The following SMPD4 variants were observed in gnomAD, a reference collection of about 807,000 sequenced individuals.
SMPD4 encodes the protein sphingomyelin phosphodiesterase 4.
Under a neutral mutation model 97.8 loss-of-function variants are expected in SMPD4, and 58 were observed. That is an observed-to-expected ratio of 0.59 (90% confidence interval 0.48 to 0.74). The LOEUF (loss-of-function observed/expected upper bound fraction) is 0.74, where lower values mean the gene tolerates loss of function less well. Among genes scored for constraint, SMPD4 ranks in the 30% least tolerant of loss-of-function variants. SMPD4 has a pLI of 0.00. For missense variants in SMPD4, 853 were observed against 1,080.5 expected (o/e 0.79, Z 2.95); for synonymous variants, 388 against 450.0 (o/e 0.86, Z 1.74).
intron 13 of SMPD4, 56 bp downstream of exon 13, chr2:130,156,529 C>T: frequency 6.4e-7 from 1 of 1,551,066 alleles, no homozygotes; most frequent in Non-Finnish European, 8.8e-7. Flanking sequence ...CAAAGGACCT[C>T]CCACCTCAAG....
At chr2:130,170,678 C>T (rs1688370435) in intron 8 of SMPD4, among the ~76,000 whole-genome samples, 1 of 151,616 alleles carries the variant, frequency 6.6e-6, no homozygotes, top group Non-Finnish European at 1.5e-5. Context: ...GTGGGAGGAT[C>T]ACTTGAGCTC....
chr2:130,152,550 C>T lies in SMPD4; in HGVS notation c.*5G>A, dbSNP rs561053821. ...TCCAGCCTGCTCTGAAGGCAGCTGA[C>T]ACCTTCAGGGCTGGTGCAGCTTCCC... On this transcript the variant is annotated 3_prime_UTR_variant, in exon 20 of 20. Coordinates refer to ENST00000680298, the MANE Select transcript of SMPD4 (RefSeq NM_017951.5). 269 of 1,541,928 alleles carry T rather than the reference C, an allele frequency of 1.7e-4. 1 individual carries two copies. The South Asian group carries it at 3.1e-3, about 18-fold the overall frequency.
intron 12 of SMPD4, chr2:130,156,945 G>A: frequency 1.1e-6 from 1 of 937,836 alleles, no homozygotes; most frequent in East Asian, 2.7e-5. Flanking sequence ...CCACTCTGCT[G>A]GCCCTGGTGG....
At chr2:130,154,893 C>T (rs1176530951) in intron 15 of SMPD4, 5 of 711,176 alleles carry the variant, frequency 7.0e-6, no homozygotes, top group Non-Finnish European at 1.1e-5. Flanking sequence ...CCACCCAGTG[C>T]CTGGTGGCTG....
Position 130,156,583 on chromosome 2 carries a change from A to G in SMPD4, c.1188+2T>C. 1 of 1,613,020 alleles carries G rather than the reference A, an allele frequency of 6.2e-7. No individual in the cohort carries two copies. The highest frequency in any genetic ancestry group is 8.5e-7 in the Non-Finnish European group (1 of 1,179,514). Reference sequence around the variant, plus strand: ...CACACGTGTGACGGGGCCAACACTCACAGCTCTGAACGATGCGTCCAGGGG... The same window carrying G: ...CACACGTGTGACGGGGCCAACACTCGCAGCTCTGAACGATGCGTCCAGGGG... On this transcript the variant is annotated splice_donor_variant, in intron 13 of 19. Coordinates refer to ENST00000680298, the MANE Select transcript of SMPD4 (RefSeq NM_017951.5). LOFTEE classifies it high-confidence loss of function.
chr2:130,154,772 C>T (rs1276071051), intron 15 of SMPD4: 15 of 583,718 alleles, frequency 2.6e-5, no homozygotes, highest in Middle Eastern at 9.1e-4. Flanking sequence ...AAGGCAGAGA[C>T]CAGGCTCACC....
intron 1 of SMPD4, among the ~76,000 whole-genome samples, chr2:130,179,867 C>G (rs1342133217): frequency 6.6e-6 from 1 of 151,662 alleles, no homozygotes; most frequent in African/African-American, 2.4e-5. Context: ...GTTGGCCAGA[C>G]TGGTCTCAAA....
At chr2:130,175,507 G>A (rs549075019) in intron 2 of SMPD4, among the ~76,000 whole-genome samples, 10 of 152,048 alleles carry the variant, frequency 6.6e-5, no homozygotes, top group Admixed American at 1.3e-4. Flanking sequence ...TCCTTTATTC[G>A]GTAGACACTG....
rs142888516 is a variant in SMPD4 at position 130,178,501 on chromosome 2, A to G, written c.-45-1864T>C. On this transcript the variant is annotated intron_variant, in intron 1 of 19. Coordinates refer to ENST00000680298, the MANE Select transcript of SMPD4 (RefSeq NM_017951.5). ...GAGCCTTTGAATAAGCCATGAGAAA[A>G]CTAGGATCAAAGGCCGGGCACCATG... Among the ~76,000 whole-genome samples the G allele has an allele frequency of 2.2e-3, 332 of 152,274 alleles. 5 individuals are homozygous for G. Among genetic ancestry groups the G allele is most frequent in the Non-Finnish European group, 5.6e-4 (38 of 68,024 alleles).
Position 130,172,443 on chromosome 2 carries a change from C to T in SMPD4, c.565G>A (p.Asp189Asn). 1.2e-6 allele frequency: 2 copies of T among 1,612,384 alleles called. No individual in the cohort carries two copies. Among genetic ancestry groups the T allele is most frequent in the Non-Finnish European group, 1.7e-6 (2 of 1,179,188 alleles). ...TSDCAYFILV[D>N]RYLSWFLPTE... is the part of the protein sequence containing the mutation. ...GGCAGGAACCATGACAGGTACCTGT[C>T]CACCAGGATGAAATAGGCACAGTCT... Residue 189 changes from aspartate (D) to asparagine (N), a missense_variant, in exon 8 of 20, where the codon GAC becomes AAC. By Grantham distance (23) the Asp-to-Asn change is conservative. Around this residue, in one of 3 missense-constraint regions of SMPD4, gnomAD observed 313 missense variants for 402.2 expected, o/e 0.78. Coordinates refer to ENST00000680298, the MANE Select transcript of SMPD4 (RefSeq NM_017951.5).
In SMPD4 at chr2:130,151,845, C is replaced by T. The variant is rs1483489022; in HGVS notation, c.*710G>A. On this transcript the variant is annotated 3_prime_UTR_variant, in exon 20 of 20. Transcript: ENST00000680298. ...TGTCCCCAACGCCTGAGGACCAGCA[C>T]CCATCTGTGACAAGGCACAGGGGTC... The T allele has an allele frequency of 3.3e-5, 5 of 152,020 alleles. No homozygotes were observed. In the East Asian group the frequency reaches 9.7e-4, roughly 29 times the overall value. The allele number at this position is 152,020 out of a possible 1,614,324, so 9.4% of individuals were successfully genotyped here.
Position 130,153,948 on chromosome 2 carries a change from C to T in SMPD4, c.1660-13G>A, listed in dbSNP as rs1205310560. ...CGAGGCGCAGGACCTGCAAGGGAGG[C>T]GCGGGCAGGTCACCAGCAGGACAGG... On this transcript the variant is annotated splice_polypyrimidine_tract_variant and intron_variant, in intron 16 of 19. Coordinates refer to ENST00000680298, the MANE Select transcript of SMPD4 (RefSeq NM_017951.5). 7 of 1,609,606 alleles carry T rather than the reference C, an allele frequency of 4.3e-6. No homozygotes were observed. Among genetic ancestry groups the T allele is most frequent in the East Asian group, 4.5e-5 (2 of 44,776 alleles).
At chr2:130,172,286 C>T (rs2104897597) in intron 8 of SMPD4, 63 bp downstream of exon 8, 4 of 1,466,910 alleles carry the variant, frequency 2.7e-6, no homozygotes, top group Admixed American at 5.2e-5. Context: ...TCCCCGTGGG[C>T]GATGCAAGTG....
chr2:130,165,148 C>T (rs1687809233), intron 9 of SMPD4, among the ~76,000 whole-genome samples: 2 of 136,814 alleles, frequency 1.5e-5, no homozygotes, highest in South Asian at 4.8e-4. Context: ...GGGCTGGGCA[C>T]AGTGGCTCAC....
chr2:130,153,687 C>T lies in SMPD4; in HGVS notation c.1893+15G>A, dbSNP rs528446754. On this transcript the variant is annotated intron_variant, in intron 17 of 19. Transcript: ENST00000680298. ...GGGACCCTGATGGCGGTGGGGCAGG[C>T]CCCATAGCTCGTACCCGGAATATCT... 1.2e-4 allele frequency: 201 copies of T among 1,612,354 alleles called. 1 individual carries two copies. The East Asian group carries it at 4.4e-3, about 35-fold the overall frequency.
intron 13 of SMPD4, 118 bp from the exon 14 acceptor site, chr2:130,156,253 G>T: frequency 1.1e-6 from 1 of 873,226 alleles, no homozygotes; most frequent in Non-Finnish European, 1.8e-6. Context: ...CCTCCAGAGG[G>T]CGCAGGAGAG....
chr2:130,172,480 G>T lies in SMPD4; in HGVS notation c.528C>A (p.His176Gln). 1 of 1,611,678 alleles carries T rather than the reference G, an allele frequency of 6.2e-7. No homozygotes were observed. Among genetic ancestry groups the T allele is most frequent in the East Asian group, 2.2e-5 (1 of 44,820 alleles). ...ITQKPLPVSLHVRTSDCAYFI... is the reference protein window; with the variant it reads ...ITQKPLPVSLQVRTSDCAYFI... ...AATAGGCACAGTCTGAAGTACGGACGTGGAGGGACACAGGAAGTGGCTGGA... is the reference window on the plus strand; with the variant it reads ...AATAGGCACAGTCTGAAGTACGGACTTGGAGGGACACAGGAAGTGGCTGGA... The change falls in exon 8 of 20, where the codon CAC becomes CAA. Residue 176 changes from histidine (H) to glutamine (Q), a missense_variant. By Grantham distance (24) the His-to-Gln change is conservative. Around this residue, in one of 3 missense-constraint regions of SMPD4, gnomAD observed 313 missense variants for 402.2 expected, o/e 0.78. Coordinates refer to ENST00000680298, the MANE Select transcript of SMPD4 (RefSeq NM_017951.5).
Position 130,158,153 on chromosome 2 carries a change from T to C in SMPD4, c.952-757A>G, listed in dbSNP as rs1255036343. ...ACCTGGTTCAAAAATAAGAACCCCA[T>C]GGCTTCACTTTCCTCCCCAATTCCT... On this transcript the variant is annotated intron_variant, in intron 11 of 19. Transcript: ENST00000680298. 25 of 1,241,674 alleles carry C rather than the reference T, an allele frequency of 2.0e-5. No individual in the cohort carries two copies. In the East Asian group the frequency reaches 3.5e-4, roughly 17 times the overall value. 76.9% of individuals were successfully genotyped at this position (1,241,674 alleles called of 1,614,324 possible). A position where few individuals can be genotyped will look rare whatever the true frequency, so the allele number is the denominator to read the frequency against.
At position 130,173,569 on chromosome 2, in the gene SMPD4, G is replaced by T; in HGVS notation, c.214C>A (p.Gln72Lys). Residue 72 changes from glutamine to lysine, a missense_variant, in exon 4 of 20, where the codon CAG becomes AAG. Physicochemically the swap from Gln to Lys is moderately conservative, Grantham distance 53 (BLOSUM62 1). Around this residue, in one of 3 missense-constraint regions of SMPD4, gnomAD observed 313 missense variants for 402.2 expected, o/e 0.78. Transcript: ENST00000680298. ...TACTCCACAGGATTCACGCGCCCCT[G>T]TAAGCAGCGGAGGTTCCAGCCAACG... ...VLVGWNLRCL[Q>K]GRVNPVEYSI... 5 of 1,613,764 alleles carry T rather than the reference G, an allele frequency of 3.1e-6. No homozygotes were observed. The East Asian group carries it at 1.1e-4, about 36-fold the overall frequency.
Sources: gnomAD v4.1 joint callset for allele counts (sites outside exome capture counted in the v4.1 genomes callset) on GRCh38, gnomAD v4.1.1 for gene constraint, gnomAD v4.1.1 regional missense constraint, MANE v1.5 for transcripts, NCBI Gene and HGNC (gene_info 2026-07-23, HGNC 2026-07-21) for gene names.